The following RCL1 variants were observed in gnomAD, a reference collection of about 807,000 sequenced individuals.
RCL1 encodes RNA terminal phosphate cyclase like 1.
In RCL1, 24 loss-of-function variants were observed where a neutral mutation model predicts 42.4. That is an observed-to-expected ratio of 0.57 (90% CI 0.41 to 0.80). RCL1 has a LOEUF of 0.80. Among genes scored for constraint, RCL1 ranks in the 30% least tolerant of loss-of-function variants. The pLI is 0.00. For synonymous variants in RCL1, 228 were observed against 177.3 expected, an observed-to-expected ratio of 1.29 and a Z score of -2.27; for missense variants, 578 against 467.9, an observed-to-expected ratio of 1.24 and a Z score of -2.17.
intron 8 of RCL1, chr9:4,850,475 A>G (rs992901873): frequency 5.2e-6 from 1 of 193,242 alleles, no homozygotes; most frequent in Non-Finnish European, 1.1e-5. Flanking sequence ...ATAAATTCTT[A>G]TGGAGGCTTT....
chr9:4,849,648 G>A (rs1817653512), intron 8 of RCL1, 98 bp downstream of exon 8: 15 of 789,024 alleles, frequency 1.9e-5, no homozygotes, highest in South Asian at 1.5e-4. Flanking sequence ...CCTGCACTAT[G>A]AACACCTGCT....
chr9:4,811,209 G>A (rs1291359851), intron 1 of RCL1, among the ~76,000 whole-genome samples: 1 of 151,234 alleles, frequency 6.6e-6, no homozygotes, highest in African/African-American at 2.4e-5. Flanking sequence ...TTGAGCCCAG[G>A]AGTTGGAGGT....
rs142314066 is a variant in RCL1 at position 4,802,172 on chromosome 9, G to A, written c.136+8945G>A. On this transcript the variant is annotated intron_variant, in intron 1 of 8. Transcript: ENST00000381750. ...ACTTCTGAGCCCAAGTAATCCACCCGCCTTGGGCTCTCAAAGTGCTGGGAT... is the reference window on the plus strand; with the variant it reads ...ACTTCTGAGCCCAAGTAATCCACCCACCTTGGGCTCTCAAAGTGCTGGGAT... 8.5e-3 allele frequency among the ~76,000 whole-genome samples: 1,218 copies of A among 142,510 alleles called. 18 individuals carry two copies. The highest frequency in any genetic ancestry group is 0.03 in the African/African-American group (1,150 of 38,450). The allele number at this position is 142,510 out of a possible 152,430, so 93.5% of individuals were successfully genotyped here.
rs371937469 is a variant in RCL1, at chr9:4,844,521, C to T, written c.711-4C>T. 6.8e-6 allele frequency: 11 copies of T among 1,608,636 alleles called. No individual in the cohort carries two copies. In the African/African-American group the frequency reaches 9.4e-5, roughly 14 times the overall value. The stretch of plus-strand genomic sequence containing the variant: ...ACTCAGTGTTTGTGCCTTTGTATCT[C>T]CAGGTCTCCGGGCTTTGGGTTGTCA... On this transcript the variant is annotated splice_region_variant and splice_polypyrimidine_tract_variant and intron_variant, in intron 6 of 8. Coordinates refer to ENST00000381750, the MANE Select transcript of RCL1 (RefSeq NM_005772.5).
chr9:4,806,668 C>A lies in RCL1; in HGVS notation c.136+13441C>A, dbSNP rs1303370242. On this transcript the variant is annotated intron_variant, in intron 1 of 8. Transcript: ENST00000381750. Reference sequence around the variant, plus strand: ...CATATATATTGCTGAATTTTATTTGCTAATGTTTTGTTAAGGACTTTTGTT... The same window carrying A: ...CATATATATTGCTGAATTTTATTTGATAATGTTTTGTTAAGGACTTTTGTT... 2.7e-5 allele frequency among the ~76,000 whole-genome samples: 4 copies of A among 149,694 alleles called. 1 individual carries two copies. In the South Asian group the frequency reaches 8.4e-4, roughly 32 times the overall value.
chr9:4,818,380 A>G (rs1015181956), intron 1 of RCL1, among the ~76,000 whole-genome samples: 19 of 152,320 alleles, frequency 1.2e-4, no homozygotes, highest in African/African-American at 4.6e-4. Context: ...TTACATTAAA[A>G]TATTTTTTAT....
Position 4,823,574 on chromosome 9 carries a change from T to C in RCL1, c.163T>C (p.Leu55=). 1 of 1,612,000 alleles carries C rather than the reference T, an allele frequency of 6.2e-7. No homozygotes were observed. Residue 55 remains leucine, a synonymous_variant, in exon 2 of 9, where the codon TTG becomes CTG. Coordinates refer to ENST00000381750, the MANE Select transcript of RCL1 (RefSeq NM_005772.5). ...RDFEASFIRL[L]DKITNGSRIE... ...TTTTGAAGCCAGCTTCATAAGGCTA[T>C]TGGACAAAATAACGAATGGTTCTCG...
At chr9:4,798,575 A>T (rs1452536095) in intron 1 of RCL1, among the ~76,000 whole-genome samples, 2 of 152,272 alleles carry the variant, frequency 1.3e-5, no homozygotes, top group African/African-American at 2.4e-5. Flanking sequence ...CTGAGGAAGC[A>T]TGCCACAAAG....
intron 1 of RCL1, among the ~76,000 whole-genome samples, chr9:4,805,765 C>T (rs1378608488): frequency 6.6e-6 from 1 of 152,062 alleles, no homozygotes; most frequent in Non-Finnish European, 1.5e-5. Context: ...CTTGGTGCTG[C>T]GACTGCCTGC....
At chr9:4,815,636 C>G (rs296842) in intron 1 of RCL1, among the ~76,000 whole-genome samples, 60,684 of 151,606 alleles carry the variant, frequency 0.4, 12,891 homozygotes, top group South Asian at 0.49. Context: ...TGTATCCTCA[C>G]GGGAAAAGGG....
intron 1 of RCL1, among the ~76,000 whole-genome samples, chr9:4,798,393 T>C (rs992366147): frequency 6.6e-6 from 1 of 152,228 alleles, no homozygotes; most frequent in Non-Finnish European, 1.5e-5. Context: ...ACAGGACTGC[T>C]ACTACCCAGG....
intron 7 of RCL1, among the ~76,000 whole-genome samples, chr9:4,847,644 C>A (rs1316070202): frequency 6.6e-6 from 1 of 152,234 alleles, no homozygotes; most frequent in East Asian, 1.9e-4. Flanking sequence ...GGCTAAAATA[C>A]TGATCTGATC....
chr9:4,802,686 A>G (rs892417886), intron 1 of RCL1, among the ~76,000 whole-genome samples: 6 of 152,216 alleles, frequency 3.9e-5, no homozygotes, highest in Non-Finnish European at 8.8e-5. Context: ...TTTTTATTAC[A>G]TATTTATTAA....
chr9:4,851,885 C>CTTT lies in RCL1; in HGVS notation c.971+2346_971+2348dup, dbSNP rs1214271046. On this transcript the variant is annotated intron_variant, in intron 8 of 8. Coordinates refer to ENST00000381750, the MANE Select transcript of RCL1 (RefSeq NM_005772.5). ...AAAGTAAGTCTGTATGTGTGAAACT[C>CTTT]TTTTTTTTTTTTTGAGACAGAGTTT... 4.0e-5 allele frequency among the ~76,000 whole-genome samples: 5 copies of CTTT among 124,462 alleles called. 2 individuals carry two copies. The highest frequency in any genetic ancestry group is 2.4e-4 in the East Asian group (1 of 4,166). 81.7% of individuals were successfully genotyped at this position (124,462 alleles called of 152,430 possible). A position where few individuals can be genotyped will look rare whatever the true frequency, so the allele number is the denominator to read the frequency against.
At position 4,855,108 on chromosome 9, in the gene RCL1, G is replaced by A. The variant is rs531827776; in HGVS notation, c.972-5017G>A. On this transcript the variant is annotated intron_variant, in intron 8 of 8. Transcript: ENST00000381750. ...TTATCTCTGTGCTCCAGAATTCTCT[G>A]AAACCTGCTTGTCAGATGGACTAGA... is the stretch of plus-strand genomic sequence containing the variant. 2.5e-4 allele frequency among the ~76,000 whole-genome samples: 37 copies of A among 150,600 alleles called. 1 individual carries two copies. Among genetic ancestry groups the A allele is most frequent in the African/African-American group, 7.8e-4 (32 of 41,090 alleles).
At chr9:4,838,371 C>T (rs1317235538) in intron 5 of RCL1, among the ~76,000 whole-genome samples, 1 of 152,214 alleles carries the variant, frequency 6.6e-6, no homozygotes, top group African/African-American at 2.4e-5. Context: ...CCCACTCTTT[C>T]TCACCCCTGC....
In RCL1 at chr9:4,792,946, A is replaced by G. The variant is rs1468861856; in HGVS notation, c.-146A>G. The G allele has an allele frequency of 1.5e-5, 12 of 808,570 alleles. No homozygotes were observed. The East Asian group carries it at 3.6e-4, about 25-fold the overall frequency. The allele number at this position is 808,570 out of a possible 1,614,324, so 50.1% of individuals were successfully genotyped here. ...TAGTCTCTCCGTCTTCCTGTTCCAA[A>G]CCACGTGGACGCGTCTGGGCTGCTG... On this transcript the variant is annotated 5_prime_UTR_variant, in exon 1 of 9. Coordinates refer to ENST00000381750, the MANE Select transcript of RCL1 (RefSeq NM_005772.5).
chr9:4,839,842 T>C (rs1817254937), intron 5 of RCL1: 1 of 985,036 alleles, frequency 1.0e-6, no homozygotes, highest in Admixed American at 6.2e-5. Context: ...AATGTGCATA[T>C]GTGAAGAGAG....
chr9:4,860,283 C>A lies in RCL1; in HGVS notation c.*8C>A, dbSNP rs762097320. ...AGCAAGACCCTCAAGTGATAACCAT[C>A]ACAAGATAAGGCCCCAATGCCTACA... On this transcript the variant is annotated 3_prime_UTR_variant, in exon 9 of 9. Transcript: ENST00000381750. The A allele has an allele frequency of 8.1e-6, 13 of 1,611,710 alleles. No individual in the cohort carries two copies. The African/African-American group carries it at 1.7e-4, about 22-fold the overall frequency.
Sources: allele counts gnomAD v4.1 joint callset (sites outside exome capture counted in the v4.1 genomes callset), GRCh38; gene constraint gnomAD v4.1.1; transcripts MANE v1.5; gene names NCBI Gene and HGNC (gene_info 2026-07-23, HGNC 2026-07-21).